INPP4A: variants seen among roughly 807,000 people sequenced by gnomAD.
INPP4A encodes the protein inositol polyphosphate-4-phosphatase type I A, also known as inositol polyphosphate-4-phosphatase, type I, 107kD.
In INPP4A, 33 loss-of-function variants were observed where a neutral mutation model predicts 119.8. That is an observed-to-expected ratio of 0.28 (90% CI 0.21 to 0.37). The LOEUF (loss-of-function observed/expected upper bound fraction) is 0.37, where lower values mean the gene tolerates loss of function less well. Among genes scored for constraint, INPP4A ranks in the 10% least tolerant of loss-of-function variants. The pLI is 1.00. For synonymous variants in INPP4A, 496 were observed against 500.7 expected, an observed-to-expected ratio of 0.99 and a Z score of 0.12; for missense variants, 956 against 1,289.9, an observed-to-expected ratio of 0.74 and a Z score of 3.97.
intron 1 of INPP4A, among the ~76,000 whole-genome samples, chr2:98,455,406 G>A (rs568792980): frequency 6.6e-6 from 1 of 152,234 alleles, no homozygotes; most frequent in African/African-American, 2.4e-5. Context: ...GTTTGGAAGA[G>A]GGGAGTGAGT....
At chr2:98,508,096 A>G (rs566366549) in intron 1 of INPP4A, among the ~76,000 whole-genome samples, 1 of 152,270 alleles carries the variant, frequency 6.6e-6, no homozygotes, top group East Asian at 1.9e-4. Flanking sequence ...AGCCATGAGC[A>G]GCTGCAGCCA....
intron 23 of INPP4A, among the ~76,000 whole-genome samples, chr2:98,574,075 C>T (rs545462813): frequency 3.3e-5 from 5 of 152,208 alleles, no homozygotes; most frequent in African/African-American, 7.2e-5. Context: ...ACAGGAAGTT[C>T]GGCAGGTTTC....
chr2:98,544,071 TCTCA>T (rs1423114986), intron 11 of INPP4A, 64 bp downstream of exon 11: 21 of 1,389,548 alleles, frequency 1.5e-5, no homozygotes, highest in South Asian at 6.9e-5. Flanking sequence ...ACACTCTCAC[TCTCA>T]CTCAGTCACT....
At chr2:98,576,184 C>G (rs1022922398) in intron 23 of INPP4A, among the ~76,000 whole-genome samples, 2 of 152,144 alleles carry the variant, frequency 1.3e-5, no homozygotes, top group African/African-American at 4.8e-5. Flanking sequence ...CACAGATTTA[C>G]ATGAAAAAAT....
intron 18 of INPP4A, among the ~76,000 whole-genome samples, chr2:98,564,246 T>G (rs1696025106): frequency 6.6e-6 from 1 of 152,252 alleles, no homozygotes; most frequent in Non-Finnish European, 1.5e-5. Context: ...AGTGACCATG[T>G]TGTCTCTCAC....
intron 23 of INPP4A, among the ~76,000 whole-genome samples, chr2:98,575,160 T>C (rs1216719559): frequency 1.3e-5 from 2 of 152,234 alleles, no homozygotes; most frequent in Admixed American, 6.5e-5. Context: ...GCTGAATAGC[T>C]GGAATATCTT....
rs1013515665 is a variant in INPP4A at position 98,566,240 on chromosome 2, C to T, written c.2420+71C>T. On this transcript the variant is annotated intron_variant, in intron 21 of 24. Transcript: ENST00000409851. This position sits in a 1 kb window ranked among gnomAD's most constrained non-coding sequence, Gnocchi z 4.2. ...GATGATGCAGAAAACGTACTTACCCCTCTTCAGGCTCTAAGTGCTGGACAG... is the reference window on the plus strand; with the variant it reads ...GATGATGCAGAAAACGTACTTACCCTTCTTCAGGCTCTAAGTGCTGGACAG... 8 of 1,427,460 alleles carry T rather than the reference C, an allele frequency of 5.6e-6. No homozygotes were observed. Among genetic ancestry groups the T allele is most frequent in the Middle Eastern group, 1.8e-4 (1 of 5,590 alleles). The allele number at this position is 1,427,460 out of a possible 1,614,324, so 88.4% of individuals were successfully genotyped here. A position where few individuals can be genotyped will look rare whatever the true frequency, so the allele number is the denominator to read the frequency against.
chr2:98,486,643 A>G (rs969609785), intron 1 of INPP4A, among the ~76,000 whole-genome samples: 1 of 142,238 alleles, frequency 7.0e-6, no homozygotes, highest in Non-Finnish European at 1.5e-5. Context: ...ATTTTTGCAT[A>G]CAGGTTACAT....
intron 1 of INPP4A, among the ~76,000 whole-genome samples, chr2:98,452,936 G>GA (rs1164528620): frequency 6.6e-6 from 1 of 152,108 alleles, no homozygotes; most frequent in East Asian, 1.9e-4. Flanking sequence ...GCTCAGCTAG[G>GA]AAAAAAGAGC....
chr2:98,515,630 G>A (rs3754881), intron 1 of INPP4A, among the ~76,000 whole-genome samples: 42,074 of 152,112 alleles, frequency 0.28, 5,887 homozygotes, highest in Middle Eastern at 0.35. Context: ...AAGAACCCCA[G>A]TGAATAAGCA....
intron 1 of INPP4A, among the ~76,000 whole-genome samples, chr2:98,470,237 A>G (rs1317112396): frequency 1.3e-5 from 2 of 152,198 alleles, no homozygotes; most frequent in Non-Finnish European, 2.9e-5. Context: ...CTGTGGTCCT[A>G]GACTGGGGAG....
chr2:98,453,664 A>C (rs192897950), intron 1 of INPP4A, among the ~76,000 whole-genome samples: 3 of 152,166 alleles, frequency 2.0e-5, no homozygotes, highest in Non-Finnish European at 4.4e-5. Context: ...GACTCGCCAT[A>C]GATCAAGAAC....
At chr2:98,522,668 C>T (rs1349624420) in intron 4 of INPP4A, among the ~76,000 whole-genome samples, 5 of 151,824 alleles carry the variant, frequency 3.3e-5, no homozygotes, top group Admixed American at 3.3e-4. Flanking sequence ...AAAATGTCTA[C>T]CAAGGCCCAG....
At chr2:98,460,715 C>T (rs1464346920) in intron 1 of INPP4A, among the ~76,000 whole-genome samples, 13 of 152,134 alleles carry the variant, frequency 8.5e-5, no homozygotes, top group Admixed American at 8.5e-4. Flanking sequence ...CTGCGGCTCA[C>T]CCAGCGCTGT....
At chr2:98,552,282 C>T (rs777756201) in intron 13 of INPP4A, among the ~76,000 whole-genome samples, 1 of 152,166 alleles carries the variant, frequency 6.6e-6, no homozygotes, top group African/African-American at 2.4e-5. Context: ...TGGGTATGTT[C>T]ACAGGGAGCT....
At chr2:98,501,533 C>T (rs1312985844) in intron 1 of INPP4A, among the ~76,000 whole-genome samples, 1 of 151,842 alleles carries the variant, frequency 6.6e-6, no homozygotes, top group Non-Finnish European at 1.5e-5. Context: ...CAAGAACCCC[C>T]CCAGCCCCCC....
intron 10 of INPP4A, among the ~76,000 whole-genome samples, chr2:98,539,975 C>G (rs1402999521): frequency 6.6e-6 from 1 of 152,152 alleles, no homozygotes; most frequent in African/African-American, 2.4e-5. Context: ...CTCTGTCGCT[C>G]AGGCTGGAGT....
chr2:98,482,021 C>G (rs369573205), intron 1 of INPP4A, among the ~76,000 whole-genome samples: 1 of 152,202 alleles, frequency 6.6e-6, no homozygotes, highest in African/African-American at 2.4e-5. Flanking sequence ...CACCTGTAAT[C>G]CCAGTTTTTT....
chr2:98,546,653 T>C lies in INPP4A; in HGVS notation c.1122T>C (p.Gly374=). The change falls in exon 13 of 25, where the codon GGT becomes GGC. Residue 374 remains glycine (G), a synonymous_variant. Transcript: ENST00000409851. The surrounding 1 kb of genome is among the most constrained non-coding windows in gnomAD (Gnocchi z 4.2). ...ACTGCCAAGGTTTTAAGTCAGGAGG[T>C]CTCCGCAAAAAGCTGCACAAATTTG... ...AAHCQGFKSG[G]LRKKLHKFEE... 1 of 1,613,700 alleles carries C rather than the reference T, an allele frequency of 6.2e-7. No homozygotes were observed. The highest frequency in any genetic ancestry group is 8.5e-7 in the Non-Finnish European group (1 of 1,179,700).
Sources: allele counts gnomAD v4.1 joint callset (sites outside exome capture counted in the v4.1 genomes callset), GRCh38; gene constraint gnomAD v4.1.1; non-coding constraint Gnocchi (gnomAD v3.1); transcripts MANE v1.5; gene names NCBI Gene and HGNC (gene_info 2026-07-23, HGNC 2026-07-21).